Variants in SMYD3 observed in about 807,000 individuals in gnomAD.
SMYD3 encodes histone-lysine N-methyltransferase SMYD3.
A neutral mutation model predicts 57.7 loss-of-function variants in SMYD3; 36 were observed. That is an observed-to-expected ratio of 0.62 (90% CI 0.48 to 0.82). The LOEUF is 0.82. Among genes scored for constraint, SMYD3 ranks in the 40% least tolerant of loss-of-function variants. SMYD3 has a pLI of 0.00. For synonymous variants in SMYD3, 211 were observed against 195.0 expected, an observed-to-expected ratio of 1.08 and a Z score of -0.68; for missense variants, 515 against 538.8, an observed-to-expected ratio of 0.96 and a Z score of 0.44.
chr1:245,855,500 T>G (rs981747210), intron 10 of SMYD3, among the ~76,000 whole-genome samples: 5 of 152,174 alleles, frequency 3.3e-5, no homozygotes, highest in African/African-American at 9.7e-5. Context: ...TAAATAAAAT[T>G]TATGAAGTAT....
intron 5 of SMYD3, among the ~76,000 whole-genome samples, chr1:246,291,152 C>T (rs1257068468): frequency 6.6e-6 from 1 of 152,192 alleles, no homozygotes. Context: ...TCAAGACAAG[C>T]ATCAGTTACA....
intron 5 of SMYD3, among the ~76,000 whole-genome samples, chr1:246,138,043 T>C (rs1293108639): frequency 6.6e-6 from 1 of 152,152 alleles, no homozygotes; most frequent in Non-Finnish European, 1.5e-5. Flanking sequence ...AAATGTAAAA[T>C]ACCTTTAATG....
At chr1:246,405,704 C>T (rs545467820) in intron 1 of SMYD3, among the ~76,000 whole-genome samples, 38 of 152,004 alleles carry the variant, frequency 2.5e-4, no homozygotes, top group African/African-American at 8.9e-4. Context: ...GTCAGGAGAT[C>T]GAGACCATCC....
intron 5 of SMYD3, chr1:246,188,956 T>C (rs867110892): frequency 6.8e-6 from 1 of 148,122 alleles, no homozygotes; most frequent in South Asian, 2.1e-4. Flanking sequence ...CAAGACCCTG[T>C]CTCAAAAAAA....
intron 1 of SMYD3, among the ~76,000 whole-genome samples, chr1:246,427,380 C>T (rs1440375756): frequency 6.6e-6 from 1 of 151,208 alleles, no homozygotes; most frequent in Non-Finnish European, 1.5e-5. Flanking sequence ...ATTAGCCGGG[C>T]GTAGTGGCGG....
rs80214265 is a variant in SMYD3 at position 245,845,649 on chromosome 1, C to T, written c.1076+12847G>A. Among the ~76,000 whole-genome samples, 1,250 of 152,334 alleles carry T rather than the reference C, an allele frequency of 8.2e-3. 17 individuals carry two copies. Among genetic ancestry groups the T allele is most frequent in the African/African-American group, 0.028 (1,183 of 41,564 alleles). On this transcript the variant is annotated intron_variant, in intron 10 of 11. Transcript: ENST00000490107. ...TGTGCTCTGGTCCAAGTGGGTCCTGCTGTTCCCTTGGAAATTCTAAGAACC... is the reference window on the plus strand; with the variant it reads ...TGTGCTCTGGTCCAAGTGGGTCCTGTTGTTCCCTTGGAAATTCTAAGAACC...
At chr1:245,845,317 C>G (rs576276960) in intron 10 of SMYD3, among the ~76,000 whole-genome samples, 2 of 152,286 alleles carry the variant, frequency 1.3e-5, no homozygotes, top group East Asian at 3.9e-4. Context: ...TCCTATTTTT[C>G]CATCCATAGG....
intron 1 of SMYD3, among the ~76,000 whole-genome samples, chr1:246,394,240 A>T (rs1226193564): frequency 6.6e-6 from 1 of 152,242 alleles, no homozygotes; most frequent in African/African-American, 2.4e-5. Flanking sequence ...AAAACCCAAG[A>T]TCTCTAACAC....
chr1:246,134,804 C>T (rs966595619), intron 5 of SMYD3, among the ~76,000 whole-genome samples: 1 of 108,068 alleles, frequency 9.3e-6, no homozygotes, highest in South Asian at 2.5e-4. Context: ...TTCTTCCCCC[C>T]CCTGCCGCTT....
intron 5 of SMYD3, among the ~76,000 whole-genome samples, chr1:246,288,446 T>TTA (rs1203258557): frequency 6.6e-6 from 1 of 151,984 alleles, no homozygotes; most frequent in Non-Finnish European, 1.5e-5. Context: ...CCCATGCGTA[T>TTA]GTTATGCAGT....
At chr1:246,471,319 C>T (rs1430792439) in intron 1 of SMYD3, among the ~76,000 whole-genome samples, 1 of 152,146 alleles carries the variant, frequency 6.6e-6, no homozygotes, top group African/African-American at 2.4e-5. Flanking sequence ...CTGCCTAAGC[C>T]TCCTAAGTAG....
intron 8 of SMYD3, among the ~76,000 whole-genome samples, chr1:245,875,776 G>C (rs1237885052): frequency 1.3e-5 from 2 of 152,324 alleles, no homozygotes; most frequent in Middle Eastern, 3.4e-3. Context: ...AGCCCTAGCT[G>C]TTTGCCTTTA....
At chr1:246,009,927 G>T in intron 5 of SMYD3, among the ~76,000 whole-genome samples, 1 of 14,294 alleles carries the variant, frequency 7.0e-5, no homozygotes, top group East Asian at 1.8e-3. Context: ...CAATTCTCCT[G>T]CCTCAGCCTT....
At chr1:246,218,228 T>TAAA (rs141992207) in intron 5 of SMYD3, among the ~76,000 whole-genome samples, 22 of 151,036 alleles carry the variant, frequency 1.5e-4, no homozygotes, top group Admixed American at 4.6e-4. Flanking sequence ...AGAAAACCTG[T>TAAA]TAAAAAAAAA....
At chr1:246,270,332 T>C (rs1054394803) in intron 5 of SMYD3, among the ~76,000 whole-genome samples, 30 of 152,230 alleles carry the variant, frequency 2.0e-4, no homozygotes, top group Non-Finnish European at 3.4e-4. Flanking sequence ...ATAAAAAATT[T>C]ACTATCTTAA....
intron 5 of SMYD3, among the ~76,000 whole-genome samples, chr1:246,241,541 GTC>G (rs1231737551): frequency 2.0e-5 from 3 of 152,190 alleles, no homozygotes; most frequent in Non-Finnish European, 4.4e-5. Context: ...ATGGATATTG[GTC>G]TAAAATTATC....
intron 4 of SMYD3, 114 bp downstream of exon 4, chr1:246,330,366 G>A: frequency 1.3e-6 from 1 of 784,296 alleles, no homozygotes; most frequent in Non-Finnish European, 1.9e-6. Context: ...AATTTTGTTA[G>A]GTTTGCATCA....
chr1:246,164,739 G>C (rs886807863), intron 5 of SMYD3, among the ~76,000 whole-genome samples: 1 of 152,216 alleles, frequency 6.6e-6, no homozygotes, highest in Non-Finnish European at 1.5e-5. Flanking sequence ...CTGCTCTCAT[G>C]GAGTTTATGT....
At chr1:246,391,409 AGAGAGAGAAAAAGAGAGAG>A (rs1558440338) in intron 1 of SMYD3, among the ~76,000 whole-genome samples, 3 of 81,360 alleles carry the variant, frequency 3.7e-5, no homozygotes, top group East Asian at 3.2e-4. Context: ...AGAGAGAGAA[AGAGAGAGAAAAAGAGAGAG>A]AGAGAGAGAG....
Sources: gnomAD v4.1 joint callset for allele counts (sites outside exome capture counted in the v4.1 genomes callset) on GRCh38, gnomAD v4.1.1 for gene constraint, MANE v1.5 for transcripts, NCBI Gene and HGNC (gene_info 2026-07-23, HGNC 2026-07-21) for gene names.